The following EXOC3L2 variants were observed in gnomAD, a reference collection of about 807,000 sequenced individuals.
The protein encoded by EXOC3L2 is exocyst complex component 3 like 2, also known as exocyst complex component 3-like protein 2.
In EXOC3L2, 17 loss-of-function variants were observed where a neutral mutation model predicts 44.4. That is an observed-to-expected ratio of 0.38 (90% CI 0.26 to 0.57). The LOEUF (loss-of-function observed/expected upper bound fraction) is 0.57, where lower values mean the gene tolerates loss of function less well. Among genes scored for constraint, EXOC3L2 ranks in the 20% least tolerant of loss-of-function variants. EXOC3L2 has a pLI of 0.65. For synonymous variants in EXOC3L2, 256 were observed against 253.7 expected, an observed-to-expected ratio of 1.01 and a Z score of -0.09; for missense variants, 541 against 588.4, an observed-to-expected ratio of 0.92 and a Z score of 0.83.
chr19:45,231,697 C>T (rs1970033472), intron 4 of EXOC3L2, 66 bp downstream of exon 4: 3 of 1,417,512 alleles, frequency 2.1e-6, no homozygotes, highest in Middle Eastern at 1.8e-4. Context: ...GACAGGCTTC[C>T]CAAGCCCACT....
At chr19:45,219,800 T>C (rs941663012) in intron 8 of EXOC3L2, among the ~76,000 whole-genome samples, 3 of 152,222 alleles carry the variant, frequency 2.0e-5, no homozygotes, top group African/African-American at 7.2e-5. Flanking sequence ...AAGGAAAGTA[T>C]TGCACCTTGC....
intron 7 of EXOC3L2, 72 bp from the exon 8 acceptor site, chr19:45,224,985 TTAGG>T: frequency 7.0e-7 from 1 of 1,435,256 alleles, no homozygotes; most frequent in Non-Finnish European, 9.2e-7. Context: ...CTGTCTTCCC[TTAGG>T]TAGATCAGAG....
intron 11 of EXOC3L2, 90 bp downstream of exon 11, chr19:45,215,983 C>T (rs1408878481): frequency 1.9e-6 from 3 of 1,552,156 alleles, no homozygotes; most frequent in African/African-American, 1.4e-5. Context: ...CTCCCTCCCT[C>T]AGGAGGCAGG....
intron 1 of EXOC3L2, among the ~76,000 whole-genome samples, chr19:45,241,617 T>C (rs1970132712): frequency 6.6e-6 from 1 of 152,104 alleles, no homozygotes; most frequent in African/African-American, 2.4e-5. Flanking sequence ...GCTGCACACG[T>C]CACTAGTGCT....
At chr19:45,226,937 T>C (rs1457260039) in intron 7 of EXOC3L2, among the ~76,000 whole-genome samples, 2 of 143,636 alleles carry the variant, frequency 1.4e-5, no homozygotes, top group African/African-American at 5.3e-5. Flanking sequence ...GTATTCTTAG[T>C]AGAGACAAGG....
At chr19:45,233,875 T>G (rs1290474981) in intron 3 of EXOC3L2, among the ~76,000 whole-genome samples, 1 of 152,128 alleles carries the variant, frequency 6.6e-6, no homozygotes, top group African/African-American at 2.4e-5. Context: ...ATTCGGGGAC[T>G]GGAAGGGTGG....
rs144630659 is a variant in EXOC3L2 at position 45,220,255 on chromosome 19, A to G, written c.1720-1936T>C. On this transcript the variant is annotated intron_variant, in intron 8 of 11. Transcript: ENST00000413988. ...TCAGCACTTTGGGAGGCTGAGGCTC[A>G]AGAATTGCTTGAGCCAAGGGCAACA... Among the ~76,000 whole-genome samples the G allele has an allele frequency of 2.7e-3, 404 of 152,128 alleles. 3 individuals carry two copies. The highest frequency in any genetic ancestry group is 9.5e-3 in the East Asian group (49 of 5,174).
chr19:45,226,747 C>CTTCTTTTTTTTTTTTTTT (rs1969965305), intron 7 of EXOC3L2, among the ~76,000 whole-genome samples: 5 of 90,654 alleles, frequency 5.5e-5, no homozygotes, highest in African/African-American at 2.5e-4. Context: ...ACTCCCATCT[C>CTTCTTTTTTTTTTTTTTT]TTTTTTTTTT....
At chr19:45,225,490 G>A (rs932961479) in intron 7 of EXOC3L2, among the ~76,000 whole-genome samples, 46 of 151,922 alleles carry the variant, frequency 3.0e-4, no homozygotes, top group Non-Finnish European at 1.6e-4. Context: ...GGATGGTCTC[G>A]ATCTCCTGAC....
At chr19:45,243,438 T>A (rs1970145905) in intron 1 of EXOC3L2, among the ~76,000 whole-genome samples, 1 of 152,102 alleles carries the variant, frequency 6.6e-6, no homozygotes, top group Admixed American at 6.6e-5. Flanking sequence ...TCTTTCCCTG[T>A]TTCAACCCCT....
At chr19:45,227,627 T>C in intron 7 of EXOC3L2, 35 bp downstream of exon 7, 1 of 1,570,494 alleles carries the variant, frequency 6.4e-7, no homozygotes, top group Non-Finnish European at 8.7e-7. Flanking sequence ...CACCTTGGAT[T>C]GGTCCTCCCT....
intron 1 of EXOC3L2, among the ~76,000 whole-genome samples, chr19:45,239,874 G>C (rs1970116584): frequency 6.6e-6 from 1 of 152,072 alleles, no homozygotes; most frequent in African/African-American, 2.4e-5. Flanking sequence ...AACAGGCTGA[G>C]AGGGGGGAAG....
intron 8 of EXOC3L2, among the ~76,000 whole-genome samples, chr19:45,223,374 G>T (rs1969919021): frequency 6.6e-6 from 1 of 151,918 alleles, no homozygotes; most frequent in African/African-American, 2.4e-5. Context: ...GGGAAGTCTC[G>T]CTCTGTCACC....
At chr19:45,214,306 T>A (rs1344253762) in intron 11 of EXOC3L2, among the ~76,000 whole-genome samples, 1 of 152,066 alleles carries the variant, frequency 6.6e-6, no homozygotes, top group Non-Finnish European at 1.5e-5. Context: ...TTTTCTGGGG[T>A]TCTGTTTCTC....
chr19:45,226,375 G>A (rs1303310405), intron 7 of EXOC3L2, among the ~76,000 whole-genome samples: 2 of 152,180 alleles, frequency 1.3e-5, no homozygotes, highest in Admixed American at 6.5e-5. Context: ...GCTGAGGCAG[G>A]AGCATCACTT....
intron 8 of EXOC3L2, among the ~76,000 whole-genome samples, chr19:45,221,201 TTTTTTTGTG>T (rs71173126): frequency 0.11 from 15,757 of 148,752 alleles, 864 homozygotes; most frequent in African/African-American, 0.14. Context: ...TTCTTTTTTG[TTTTTTTGTG>T]GTTTTTTTTT....
intron 1 of EXOC3L2, among the ~76,000 whole-genome samples, chr19:45,243,173 A>T (rs564208167): frequency 4.3e-4 from 65 of 152,326 alleles, no homozygotes; most frequent in African/African-American, 1.5e-3. Context: ...ATACAGCTCC[A>T]GTTCATTTAA....
At position 45,227,699 on chromosome 19, in the gene EXOC3L2, T is replaced by G. The variant is rs1245963059; in HGVS notation, c.1546A>C (p.Lys516Gln). 7.4e-6 allele frequency: 12 copies of G among 1,612,966 alleles called. No homozygotes were observed. In the South Asian group the frequency reaches 1.3e-4, roughly 18 times the overall value. ...REMLPDTYIS[K>Q]TIALVNCGPP... is the part of the protein sequence containing the mutation. ...CCGCAGTTGACCAGGGCGATGGTCT[T>G]GCTGATATAGGTGTCAGGTAGCATC... Residue 516 changes from lysine (K) to glutamine (Q), a missense_variant, in exon 7 of 12, where the codon AAG (lysine) becomes CAG (glutamine). Transcript: ENST00000413988.
chr19:45,227,485 AT>A (rs1969977546), intron 7 of EXOC3L2, among the ~76,000 whole-genome samples, 176 bp downstream of exon 7: 1 of 152,048 alleles, frequency 6.6e-6, no homozygotes. Context: ...ACACTCCAAT[AT>A]TCGGATGCTC....
Sources: gnomAD v4.1 joint callset for allele counts (sites outside exome capture counted in the v4.1 genomes callset) on GRCh38, gnomAD v4.1.1 for gene constraint, MANE v1.5 for transcripts, NCBI Gene and HGNC (gene_info 2026-07-23, HGNC 2026-07-21) for gene names.